The following PDE1A variants were observed in gnomAD, a reference collection of about 807,000 sequenced individuals.
PDE1A encodes the protein dual specificity calcium/calmodulin-dependent 3',5'-cyclic nucleotide phosphodiesterase 1A.
PDE1A carries 35 observed loss-of-function variants against 61.7 expected under a neutral mutation model. That is an observed-to-expected ratio of 0.57 (90% CI 0.43 to 0.75). The LOEUF (loss-of-function observed/expected upper bound fraction) is 0.75, where lower values mean the gene tolerates loss of function less well. PDE1A is among the 30% of genes least tolerant of loss of function. The probability of loss-of-function intolerance (pLI) is 0.00; values close to 1 mark genes in which losing one functional copy is unlikely to be tolerated. For synonymous variants in PDE1A, 232 were observed against 213.2 expected (o/e 1.09, Z -0.77); for missense variants, 597 against 630.6 (o/e 0.95, Z 0.57).
At chr2:182,351,498 G>T (rs1230440763) in intron 1 of PDE1A, among the ~76,000 whole-genome samples, 2 of 152,180 alleles carry the variant, frequency 1.3e-5, no homozygotes, top group African/African-American at 2.4e-5. Context: ...GGGAAAAGCA[G>T]TACCAATTTA....
At chr2:182,706,925 T>C in the PDE1A span, among the ~76,000 whole-genome samples, 5 of 152,312 alleles carry the variant, frequency 3.3e-5, no homozygotes, top group East Asian at 9.6e-4. Context: ...GTGAAAACAA[T>C]GGCTGATGCA....
chr2:182,525,046 G>T (rs1013451416), upstream of PDE1A, among the ~76,000 whole-genome samples: 1 of 151,866 alleles, frequency 6.6e-6, no homozygotes, highest in African/African-American at 2.4e-5. Context: ...TTCACTGAAA[G>T]AATTATGTGA....
At chr2:182,221,626 C>T (rs1688735707) in intron 7 of PDE1A, among the ~76,000 whole-genome samples, 1 of 152,028 alleles carries the variant, frequency 6.6e-6, no homozygotes, top group Non-Finnish European at 1.5e-5. Flanking sequence ...AGACAGAATG[C>T]CCTCCCCAAC....
At chr2:182,383,003 T>A (rs1700818590) in intron 1 of PDE1A, among the ~76,000 whole-genome samples, 1 of 152,172 alleles carries the variant, frequency 6.6e-6, no homozygotes, top group South Asian at 2.1e-4. Flanking sequence ...AACAACACCA[T>A]ACCACCAATA....
intron 8 of PDE1A, among the ~76,000 whole-genome samples, chr2:182,205,717 T>C (rs765154397): frequency 1.3e-5 from 2 of 152,168 alleles, no homozygotes; most frequent in African/African-American, 4.8e-5. Context: ...TATTCAGACA[T>C]ATGGATGTTG....
At chr2:182,147,209 T>G (rs992683820) in intron 13 of PDE1A, 57 bp from the exon 14 acceptor site, 2 of 1,007,338 alleles carry the variant, frequency 2.0e-6, no homozygotes, top group Admixed American at 4.1e-5. Context: ...TGGAAAAAAC[T>G]AATAAGGTTA....
At chr2:182,684,403 C>T in the PDE1A span, among the ~76,000 whole-genome samples, 1 of 152,092 alleles carries the variant, frequency 6.6e-6, no homozygotes, top group Middle Eastern at 3.4e-3. Flanking sequence ...TTAAACTAAA[C>T]AATTCTCACC....
chr2:182,183,153 T>C (rs1684908738), intron 13 of PDE1A, among the ~76,000 whole-genome samples: 1 of 152,166 alleles, frequency 6.6e-6, no homozygotes, highest in East Asian at 1.9e-4. Context: ...AATAAACTCA[T>C]TTAATTCTCT....
At chr2:182,221,845 A>C (rs904698213) in intron 7 of PDE1A, among the ~76,000 whole-genome samples, 17 of 152,148 alleles carry the variant, frequency 1.1e-4, no homozygotes, top group Admixed American at 7.9e-4. Context: ...CCAAGTGCAT[A>C]TAGACAGGTC....
chr2:182,344,219 T>C (rs1228371351), intron 1 of PDE1A, among the ~76,000 whole-genome samples: 2 of 152,146 alleles, frequency 1.3e-5, no homozygotes, highest in East Asian at 3.8e-4. Context: ...ATTGAAAATA[T>C]TGTTTATATT....
At chr2:182,437,238 T>C (rs1373257784) in intron 2 of PDE1A, among the ~76,000 whole-genome samples, 1 of 151,988 alleles carries the variant, frequency 6.6e-6, no homozygotes, top group Non-Finnish European at 1.5e-5. Flanking sequence ...GATTAGTAAA[T>C]GTGCAAATGA....
intron 13 of PDE1A, among the ~76,000 whole-genome samples, chr2:182,185,602 G>A (rs1046137942): frequency 1.3e-5 from 2 of 152,156 alleles, no homozygotes; most frequent in Non-Finnish European, 2.9e-5. Flanking sequence ...AGTTTATATG[G>A]TACCACAAAG....
intron 2 of PDE1A, among the ~76,000 whole-genome samples, chr2:182,433,957 T>C (rs1297892278): frequency 1.3e-5 from 2 of 152,122 alleles, no homozygotes; most frequent in African/African-American, 4.8e-5. Context: ...GTGACTCTCC[T>C]GACAACTCTA....
intron 1 of PDE1A, among the ~76,000 whole-genome samples, chr2:182,383,859 C>T (rs1215970348): frequency 6.6e-6 from 1 of 152,174 alleles, no homozygotes; most frequent in Non-Finnish European, 1.5e-5. Context: ...AGGGAAGAGA[C>T]AGAAGTGAGC....
chr2:182,197,705 A>G (rs1000363836), intron 10 of PDE1A, among the ~76,000 whole-genome samples: 1 of 151,806 alleles, frequency 6.6e-6, no homozygotes, highest in Non-Finnish European at 1.5e-5. Context: ...ATCACATGAC[A>G]TTATATATAT....
At chr2:182,449,507 A>G (rs962593977) in intron 2 of PDE1A, among the ~76,000 whole-genome samples, 9 of 151,998 alleles carry the variant, frequency 5.9e-5, no homozygotes, top group African/African-American at 2.2e-4. Flanking sequence ...CCTTCACCAA[A>G]GGAGGGTGTT....
intron 1 of PDE1A, among the ~76,000 whole-genome samples, chr2:182,265,546 G>A (rs1469424419): frequency 6.6e-6 from 1 of 152,050 alleles, no homozygotes; most frequent in Non-Finnish European, 1.5e-5. Flanking sequence ...GAATTTTAAA[G>A]TATAGGACTC....
intron 1 of PDE1A, among the ~76,000 whole-genome samples, chr2:182,391,883 C>G (rs1291072112): frequency 6.6e-6 from 1 of 152,184 alleles, no homozygotes; most frequent in Non-Finnish European, 1.5e-5. Flanking sequence ...ATGCAGAAAA[C>G]TTCCAGGCTG....
rs148817644 is a variant in PDE1A, at chr2:182,273,382, C to G, written c.54-8968G>C. Among the ~76,000 whole-genome samples the G allele has an allele frequency of 4.5e-3, 679 of 151,678 alleles. 8 individuals are homozygous for G. Among genetic ancestry groups the G allele is most frequent in the African/African-American group, 0.015 (620 of 41,402 alleles). ...AGGTTTTGAAAAGGTATGAAGCATC[C>G]AAAGTTGATAGTGATGTTGAGATAC... On this transcript the variant is annotated intron_variant, in intron 1 of 13. Transcript: ENST00000351439.
Sources: allele counts gnomAD v4.1 joint callset (sites outside exome capture counted in the v4.1 genomes callset), GRCh38; gene constraint gnomAD v4.1.1; transcripts MANE v1.5; gene names NCBI Gene and HGNC (gene_info 2026-07-23, HGNC 2026-07-21).